The following FCRL5 variants were observed in gnomAD, a reference collection of about 807,000 sequenced individuals.
The protein encoded by FCRL5 is Fc receptor like 5.
FCRL5 carries 79 observed loss-of-function variants against 92.1 expected under a neutral mutation model. The ratio of observed to expected loss-of-function variants is 0.86; its 90% CI spans 0.72 to 1.03. FCRL5 has a LOEUF of 1.03. FCRL5 is among the 50% of genes least tolerant of loss of function. The probability of loss-of-function intolerance (pLI) is 0.00; values close to 1 mark genes in which losing one functional copy is unlikely to be tolerated. For synonymous variants in FCRL5, 466 were observed against 469.3 expected (o/e 0.99, Z 0.09); for missense variants, 1,160 against 1,181.1 (o/e 0.98, Z 0.26).
Position 157,515,526 on chromosome 1 carries a change from C to T in FCRL5, c.*149G>A. On this transcript the variant is annotated 3_prime_UTR_variant, in exon 17 of 17. Transcript: ENST00000361835. ...TGACAGTCCAGCAGGGCCCTGCATT[C>T]TGGTCAGACTGAGAATGAGGACATG... is the stretch of plus-strand genomic sequence containing the variant. 2 of 1,553,400 alleles carry T rather than the reference C, an allele frequency of 1.3e-6. No individual in the cohort carries two copies. The highest frequency in any genetic ancestry group is 1.7e-5 in the Admixed American group (1 of 58,478).
At chr1:157,543,684 T>G (rs1165689894) in intron 5 of FCRL5, among the ~76,000 whole-genome samples, 1 of 152,136 alleles carries the variant, frequency 6.6e-6, no homozygotes, top group Non-Finnish European at 1.5e-5. Flanking sequence ...ACAGAAGCTG[T>G]TTTTCCCTCA....
chr1:157,540,587 C>T (rs990718016), intron 6 of FCRL5, among the ~76,000 whole-genome samples: 2 of 151,718 alleles, frequency 1.3e-5, no homozygotes, highest in African/African-American at 4.8e-5. Context: ...CAGTTCCTCA[C>T]AGTCGGTTTC....
Position 157,539,236 on chromosome 1 carries a change from C to T in FCRL5, c.1252G>A (p.Gly418Ser), listed in dbSNP as rs371219221. Residue 418 changes from glycine to serine, a missense_variant, in exon 7 of 17, where the codon GGT becomes AGT. Physicochemically the swap from Gly to Ser is moderately conservative, Grantham distance 56. Coordinates refer to ENST00000361835, the MANE Select transcript of FCRL5 (RefSeq NM_031281.3). ...LPILYQFHHE[G>S]AALERRSANS... ...GCCGACCTACGCTCCAGGGCAGCAC[C>T]CTCATGATGAAACTGGTACAGGATG... The T allele has an allele frequency of 7.4e-6, 12 of 1,614,186 alleles. No individual in the cohort carries two copies. In the African/African-American group the frequency reaches 8.0e-5, roughly 11 times the overall value.
intron 7 of FCRL5, among the ~76,000 whole-genome samples, chr1:157,536,193 C>G (rs1278690549): frequency 2.6e-5 from 4 of 152,132 alleles, no homozygotes; most frequent in African/African-American, 9.7e-5. Flanking sequence ...CCACCTGCCT[C>G]AGCCTCCCAA....
At chr1:157,552,242 G>C in intron 1 of FCRL5, 90 bp downstream of exon 1, 3 of 1,284,770 alleles carry the variant, frequency 2.3e-6, no homozygotes, top group South Asian at 1.2e-5. Flanking sequence ...CTCTCAGCAG[G>C]GGCTGAGCCC....
chr1:157,549,341 C>T lies in FCRL5; in HGVS notation c.52+219G>A, dbSNP rs569838370. 9.9e-5 allele frequency among the ~76,000 whole-genome samples: 15 copies of T among 151,568 alleles called. No individual in the cohort carries two copies. The East Asian group carries it at 2.3e-3, about 24-fold the overall frequency. ...AGGAGATATACCTAATGTTAAATGA[C>T]GAGTTAGTGGGTGCAGCGCACCAAC... On this transcript the variant is annotated intron_variant, in intron 2 of 16. Transcript: ENST00000361835.
At position 157,515,839 on chromosome 1, in the gene FCRL5, C is replaced by A. The variant is rs766813787; in HGVS notation, c.2844+3G>T. ...GGGAGGGCATGCAGAAGGGGAGACT[C>A]ACCTTGTTCCTGAGATGCCTGGGGT... is the stretch of plus-strand genomic sequence containing the variant. On this transcript the variant is annotated splice_donor_region_variant and intron_variant, in intron 16 of 16. Coordinates refer to ENST00000361835, the MANE Select transcript of FCRL5 (RefSeq NM_031281.3). 7.4e-6 allele frequency: 12 copies of A among 1,613,950 alleles called. No homozygotes were observed. Among genetic ancestry groups the A allele is most frequent in the Admixed American group, 1.7e-5 (1 of 60,012 alleles).
intron 13 of FCRL5, 83 bp downstream of exon 13, chr1:157,519,660 T>G: frequency 6.8e-7 from 1 of 1,466,268 alleles, no homozygotes; most frequent in South Asian, 1.1e-5. Context: ...GAAACTGTGC[T>G]CTTGGTAATC....
rs74118653 is a variant in FCRL5 at position 157,519,245 on chromosome 1, C to T, written c.2661-463G>A. 1.6e-3 allele frequency among the ~76,000 whole-genome samples: 240 copies of T among 152,262 alleles called. 2 individuals carry two copies. The highest frequency in any genetic ancestry group is 5.5e-3 in the African/African-American group (229 of 41,508). On this transcript the variant is annotated intron_variant, in intron 13 of 16. Transcript: ENST00000361835. ...GATAGCTGTGAGCCTTTGTGTGGCT[C>T]CTAAAGTCAGCCTTAGGGATACAAG...
At chr1:157,532,524 T>G (rs1161513128) in intron 8 of FCRL5, 1 of 147,532 alleles carries the variant, frequency 6.8e-6, no homozygotes, top group African/African-American at 2.7e-5. Context: ...TTCCTCTCCT[T>G]CCTCTAACTA....
At chr1:157,541,614 T>A (rs562039268) in intron 6 of FCRL5, among the ~76,000 whole-genome samples, 5 of 152,294 alleles carry the variant, frequency 3.3e-5, no homozygotes, top group Admixed American at 6.5e-5. Context: ...CACACATGAG[T>A]TCTTCCAAGA....
chr1:157,552,320 C>A lies in FCRL5; in HGVS notation c.31+12G>T. ...ATCCCACCCAGGGCCCATGGTGAGC[C>A]CTTTTACTCACCCAGGACCAGTAAT... On this transcript the variant is annotated intron_variant, in intron 1 of 16. Transcript: ENST00000361835. 6.2e-7 allele frequency: 1 copy of A among 1,613,720 alleles called. No homozygotes were observed. Among genetic ancestry groups the A allele is most frequent in the Admixed American group, 1.7e-5 (1 of 59,994 alleles).
intron 15 of FCRL5, 89 bp downstream of exon 15, chr1:157,518,340 G>T: frequency 8.6e-7 from 1 of 1,166,598 alleles, no homozygotes; most frequent in Non-Finnish European, 1.3e-6. Flanking sequence ...CTCTATGCCT[G>T]TCTGGCTCAG....
intron 1 of FCRL5, among the ~76,000 whole-genome samples, chr1:157,550,487 T>C (rs1211609896): frequency 6.6e-6 from 1 of 152,298 alleles, no homozygotes; most frequent in East Asian, 1.9e-4. Context: ...AACAATCAAC[T>C]GATGCTCAGA....
intron 7 of FCRL5, among the ~76,000 whole-genome samples, chr1:157,535,768 A>G (rs1193460629): frequency 3.3e-5 from 5 of 152,148 alleles, no homozygotes; most frequent in South Asian, 2.1e-4. Context: ...AAACAATTCA[A>G]TGAGGTAGGT....
rs754972248 is a variant in FCRL5, at chr1:157,545,522, G to GTTTTTTT, written c.308-447_308-441dup. Among the ~76,000 whole-genome samples, 93 of 84,974 alleles carry GTTTTTTT rather than the reference G, an allele frequency of 1.1e-3. 1 individual carries two copies. Among genetic ancestry groups the GTTTTTTT allele is most frequent in the Middle Eastern group, 0.02 (2 of 98 alleles). 55.7% of individuals were successfully genotyped at this position (84,974 alleles called of 152,430 possible). On this transcript the variant is annotated intron_variant, in intron 3 of 16. Transcript: ENST00000361835. ...GGCAGTAATGTAATTTCTTTAATGAGTTTTTTTTTTTTTTTTTTTTTTTTG... is the reference window on the plus strand; with the variant it reads ...GGCAGTAATGTAATTTCTTTAATGAGTTTTTTTTTTTTTTTTTTTTTTTTTTTTTTTG...
intron 3 of FCRL5, chr1:157,546,169 C>A (rs113084198): frequency 3.9e-5 from 15 of 381,688 alleles, no homozygotes; most frequent in African/African-American, 1.5e-4. Flanking sequence ...ACATAGAGGC[C>A]GGGTGCAGTG....
rs141517034 is a variant in FCRL5, at chr1:157,534,676, T to C, written c.1619A>G (p.Tyr540Cys). ...SLTEGHSGNY[Y>C]CTADNGFGPQ... Reference sequence around the variant, plus strand: ...ACCAAAGCCATTGTCAGCTGTGCAGTAGTAATTCCCTGAATGTCCTTCAGT... The same window carrying C: ...ACCAAAGCCATTGTCAGCTGTGCAGCAGTAATTCCCTGAATGTCCTTCAGT... The change falls in exon 8 of 17, where the codon TAC becomes TGC. Residue 540 changes from tyrosine (Y) to cysteine (C), a missense_variant. By Grantham distance (194) the Tyr-to-Cys change is radical. Coordinates refer to ENST00000361835, the MANE Select transcript of FCRL5 (RefSeq NM_031281.3). The C allele has an allele frequency of 6.0e-3, 9,700 of 1,614,140 alleles. 54 individuals are homozygous for C. Among genetic ancestry groups the C allele is most frequent in the Admixed American group, 9.1e-3 (548 of 60,020 alleles).
chr1:157,535,391 A>G (rs1206804230), intron 7 of FCRL5, among the ~76,000 whole-genome samples: 12 of 152,198 alleles, frequency 7.9e-5, no homozygotes, highest in Admixed American at 7.2e-4. Flanking sequence ...GTGTTTAACT[A>G]TCTCCATATA....
Sources: gnomAD v4.1 joint callset for allele counts (sites outside exome capture counted in the v4.1 genomes callset) on GRCh38, gnomAD v4.1.1 for gene constraint, MANE v1.5 for transcripts, NCBI Gene and HGNC (gene_info 2026-07-23, HGNC 2026-07-21) for gene names.